The following SPATA6 variants were observed in gnomAD, a reference collection of about 807,000 sequenced individuals.
SPATA6 encodes the protein spermatogenesis associated 6.
A neutral mutation model predicts 65.3 loss-of-function variants in SPATA6; 56 were observed. The ratio of observed to expected loss-of-function variants is 0.86; its 90% CI spans 0.69 to 1.07. The LOEUF is 1.07. Among genes scored for constraint, SPATA6 ranks in the 50% least tolerant of loss-of-function variants. The pLI, the probability that SPATA6 is intolerant of heterozygous loss-of-function variation, is 0.00. For missense variants in SPATA6, 590 were observed against 594.8 expected, an observed-to-expected ratio of 0.99 and a Z score of 0.08; for synonymous variants, 199 against 213.2, an observed-to-expected ratio of 0.93 and a Z score of 0.58.
intron 3 of SPATA6, among the ~76,000 whole-genome samples, chr1:48,420,677 G>A (rs1653239669): frequency 6.6e-6 from 1 of 152,154 alleles, no homozygotes. Context: ...ATGGCTTGAA[G>A]CAACAACAAA....
At chr1:48,455,773 C>T (rs544091536) in intron 1 of SPATA6, among the ~76,000 whole-genome samples, 1 of 152,220 alleles carries the variant, frequency 6.6e-6, no homozygotes, top group South Asian at 2.1e-4. Context: ...CTGGACAGTA[C>T]TGCTCTAATT....
At chr1:48,421,857 T>G (rs1653371280) in intron 3 of SPATA6, among the ~76,000 whole-genome samples, 1 of 152,108 alleles carries the variant, frequency 6.6e-6, no homozygotes. Flanking sequence ...TCAATATTCA[T>G]CACATATCTG....
chr1:48,273,889 C>T, the SPATA6 span, among the ~76,000 whole-genome samples: 1 of 152,176 alleles, frequency 6.6e-6, no homozygotes, highest in Non-Finnish European at 1.5e-5. Context: ...AATGGTATTG[C>T]TGGTTCTAGA....
chr1:48,401,880 T>G (rs1457541085), intron 6 of SPATA6, among the ~76,000 whole-genome samples: 1 of 152,172 alleles, frequency 6.6e-6, no homozygotes, highest in Non-Finnish European at 1.5e-5. Context: ...ATACAGCAGA[T>G]TAACAAATTT....
At chr1:48,453,242 A>C in intron 1 of SPATA6, 111 bp from the exon 2 acceptor site, 1 of 1,165,608 alleles carries the variant, frequency 8.6e-7, no homozygotes, top group South Asian at 1.7e-5. Context: ...TAATCTAATA[A>C]AAAATACTCA....
intron 3 of SPATA6, among the ~76,000 whole-genome samples, chr1:48,434,255 GAAAGAAAAA>G (rs1247418005): frequency 3.0e-5 from 1 of 33,436 alleles, no homozygotes; most frequent in African/African-American, 7.7e-5. Context: ...ATACAGCAGT[GAAAGAAAAA>G]AAAAAAAAAA....
At chr1:48,271,691 A>G in the SPATA6 span, among the ~76,000 whole-genome samples, 1 of 152,210 alleles carries the variant, frequency 6.6e-6, no homozygotes, top group African/African-American at 2.4e-5. Flanking sequence ...CAACTAGGCC[A>G]TGGGATGCAG....
rs547112659 is a variant in SPATA6, at chr1:48,359,953, CTG to C, written c.910-185_910-184del. On this transcript the variant is annotated intron_variant, in intron 9 of 12. Coordinates refer to ENST00000371847, the MANE Select transcript of SPATA6 (RefSeq NM_019073.4). ...AAATTCAGAACATAGTAATTAGTCA[CTG>C]TAAGATTAAATATTAAATGTATCAA... 5.1e-4 allele frequency among the ~76,000 whole-genome samples: 78 copies of C among 152,076 alleles called. 1 individual carries two copies. Among genetic ancestry groups the C allele is most frequent in the African/African-American group, 1.9e-3 (77 of 41,484 alleles).
At chr1:48,418,693 G>A in intron 3 of SPATA6, among the ~76,000 whole-genome samples, 1 of 150,834 alleles carries the variant, frequency 6.6e-6, no homozygotes, top group East Asian at 1.9e-4. Flanking sequence ...CCGCACTCCA[G>A]CCTGGGCAAC....
chr1:48,441,476 G>A (rs752814816), intron 3 of SPATA6, among the ~76,000 whole-genome samples: 3 of 152,178 alleles, frequency 2.0e-5, no homozygotes, highest in Non-Finnish European at 4.4e-5. Context: ...ATTAAGGAGG[G>A]ACATATTAGC....
intron 3 of SPATA6, among the ~76,000 whole-genome samples, chr1:48,443,638 T>A (rs1253833587): frequency 6.6e-6 from 1 of 152,166 alleles, no homozygotes; most frequent in African/African-American, 2.4e-5. Flanking sequence ...GGAAGAGTGC[T>A]GCTTTTACAC....
chr1:48,408,709 G>A (rs982916566), intron 5 of SPATA6, among the ~76,000 whole-genome samples: 7 of 152,284 alleles, frequency 4.6e-5, no homozygotes, highest in African/African-American at 1.4e-4. Context: ...CTTCCACATG[G>A]TGGAATGCAG....
chr1:48,287,709 G>A, the SPATA6 span, among the ~76,000 whole-genome samples: 2 of 152,326 alleles, frequency 1.3e-5, no homozygotes, highest in East Asian at 3.9e-4. Flanking sequence ...ACTAGAAGAT[G>A]CTGAAGCCAT....
the SPATA6 span, among the ~76,000 whole-genome samples, chr1:48,267,449 A>C: frequency 2.6e-5 from 4 of 152,036 alleles, no homozygotes; most frequent in Non-Finnish European, 5.9e-5. Context: ...GGGCTTGGAG[A>C]ATGAGTGCAA....
chr1:48,415,535 CT>C (rs980403372), intron 3 of SPATA6, among the ~76,000 whole-genome samples: 1 of 151,264 alleles, frequency 6.6e-6, no homozygotes, highest in Admixed American at 6.6e-5. Context: ...TGAAGAATGC[CT>C]TTGATGAACT....
intron 3 of SPATA6, among the ~76,000 whole-genome samples, chr1:48,434,120 A>G (rs752409742): frequency 6.6e-6 from 1 of 152,182 alleles, no homozygotes; most frequent in Non-Finnish European, 1.5e-5. Flanking sequence ...GGTGTCTTTA[A>G]ATAGGACAGT....
chr1:48,400,980 A>T, intron 6 of SPATA6: 1 of 316,990 alleles, frequency 3.2e-6, no homozygotes, highest in Non-Finnish European at 5.3e-6. Context: ...CATTCAAGCA[A>T]TGAATCTTTC....
At chr1:48,466,868 T>C (rs531672297) in intron 1 of SPATA6, among the ~76,000 whole-genome samples, 1 of 152,176 alleles carries the variant, frequency 6.6e-6, no homozygotes, top group South Asian at 2.1e-4. Context: ...TTCAGTTAGG[T>C]AATGAGATGA....
intron 11 of SPATA6, among the ~76,000 whole-genome samples, chr1:48,339,743 A>G (rs1646156271): frequency 6.6e-6 from 1 of 152,084 alleles, no homozygotes; most frequent in South Asian, 2.1e-4. Context: ...AGAATGATAA[A>G]AATTGGAAAG....
Sources: gnomAD v4.1 joint callset for allele counts (sites outside exome capture counted in the v4.1 genomes callset) on GRCh38, gnomAD v4.1.1 for gene constraint, MANE v1.5 for transcripts, NCBI Gene and HGNC (gene_info 2026-07-23, HGNC 2026-07-21) for gene names.